Variants in DTNA observed in about 807,000 individuals in gnomAD.
The protein encoded by DTNA is dystrophin-related protein 3.
Under a neutral mutation model 100.7 loss-of-function variants are expected in DTNA, and 43 were observed. The ratio of observed to expected loss-of-function variants is 0.43; its 90% confidence interval spans 0.33 to 0.55. The LOEUF is 0.55. Among genes scored for constraint, DTNA ranks in the 20% least tolerant of loss-of-function variants. DTNA has a pLI of 0.04. For missense variants in DTNA, 798 were observed against 953.9 expected (o/e 0.84, Z 2.15); for synonymous variants, 349 against 347.9 (o/e 1.00, Z -0.04).
chr18:34,817,308 A>C (rs1364163390), intron 7 of DTNA, among the ~76,000 whole-genome samples: 1 of 152,118 alleles, frequency 6.6e-6, no homozygotes, highest in African/African-American at 2.4e-5. Context: ...GTTTTTCCTG[A>C]CTGGTTAGGC....
chr18:34,671,285 A>T (rs539158855), intron 1 of DTNA, among the ~76,000 whole-genome samples: 1 of 152,294 alleles, frequency 6.6e-6, no homozygotes, highest in Admixed American at 6.5e-5. Flanking sequence ...GGAAAAGTGC[A>T]GTATTAGGAT....
At chr18:34,513,964 G>A (rs1240132361) in intron 1 of DTNA, 2 of 152,102 alleles carry the variant, frequency 1.3e-5, no homozygotes, top group Admixed American at 1.3e-4. Flanking sequence ...TGCAGGTAAC[G>A]ACTCTGACAA....
At position 34,829,464 on chromosome 18, in the gene DTNA, G is replaced by A. The variant is rs2095947338; in HGVS notation, c.1150G>A (p.Val384Ile). ...AEEHSLIKLY[V>I]NQLDHGARSP... ...AGAGCATTCCCTCATAAAGCTGTAC[G>A]TAAATCAGCTTGATCACGGTGCACG... Residue 384 changes from valine to isoleucine, a missense_variant, in exon 11 of 23, where the codon GTA becomes ATA. By Grantham distance (29) the Val-to-Ile change is conservative. This residue lies in a region of DTNA where 159 missense variants were observed against 201.2 expected (regional missense o/e 0.79). Transcript: ENST00000444659. The A allele has an allele frequency of 2.8e-5, 42 of 1,527,220 alleles. No individual in the cohort carries two copies. Among genetic ancestry groups the A allele is most frequent in the Non-Finnish European group, 3.2e-5 (36 of 1,140,580 alleles). 94.6% of individuals were successfully genotyped at this position (1,527,220 alleles called of 1,614,324 possible).
At chr18:34,653,111 C>T (rs113304239) in intron 1 of DTNA, among the ~76,000 whole-genome samples, 2 of 152,252 alleles carry the variant, frequency 1.3e-5, no homozygotes, top group African/African-American at 4.8e-5. Context: ...TATGTTTTTA[C>T]AGATTACACA....
chr18:34,740,222 T>G (rs2090374989), intron 1 of DTNA, among the ~76,000 whole-genome samples: 1 of 152,170 alleles, frequency 6.6e-6, no homozygotes, highest in Non-Finnish European at 1.5e-5. Context: ...ATTAAGCCTT[T>G]GAAGTTACTG....
intron 1 of DTNA, among the ~76,000 whole-genome samples, chr18:34,554,334 AC>A (rs1256910448): frequency 1.4e-5 from 2 of 143,120 alleles, no homozygotes; most frequent in Non-Finnish European, 3.0e-5. Context: ...GGACAATTTG[AC>A]TTCCTCTTTT....
intron 11 of DTNA, among the ~76,000 whole-genome samples, chr18:34,833,404 C>CTGTGTGTGTGTGTGTGTGTG (rs58409064): frequency 1.7e-4 from 25 of 144,998 alleles, no homozygotes; most frequent in African/African-American, 5.8e-4. Context: ...CATTGTGTCA[C>CTGTGTGTGTGTGTGTGTGTG]TGTGTGTGTG....
At chr18:34,602,580 C>T (rs1208400389) in intron 1 of DTNA, among the ~76,000 whole-genome samples, 2 of 151,974 alleles carry the variant, frequency 1.3e-5, no homozygotes, top group Non-Finnish European at 2.9e-5. Flanking sequence ...ATTCTGGTTG[C>T]AAGAACCTCT....
At chr18:34,531,502 T>G (rs1274844878) in intron 1 of DTNA, among the ~76,000 whole-genome samples, 1 of 152,190 alleles carries the variant, frequency 6.6e-6, no homozygotes, top group Non-Finnish European at 1.5e-5. Context: ...TTGTCTTGCA[T>G]TTGCTCATCC....
chr18:34,688,739 TCTAA>T (rs528959539), intron 1 of DTNA, among the ~76,000 whole-genome samples: 21 of 152,316 alleles, frequency 1.4e-4, no homozygotes, highest in Middle Eastern at 6.8e-3. Context: ...AAGTGTGTTT[TCTAA>T]CTTAGTTCCA....
Position 34,800,068 on chromosome 18 carries a change from C to T in DTNA, c.362+5818C>T, listed in dbSNP as rs552874383. Among the ~76,000 whole-genome samples the T allele has an allele frequency of 3.3e-5, 5 of 152,310 alleles. No homozygotes were observed. The East Asian group carries it at 9.6e-4, about 29-fold the overall frequency. On this transcript the variant is annotated intron_variant, in intron 4 of 22. Transcript: ENST00000444659. ...CCTGTGAACACTTCTAAATTCAAAGCATCACATAACTGCACAATCTAAAAG... is the reference window on the plus strand; with the variant it reads ...CCTGTGAACACTTCTAAATTCAAAGTATCACATAACTGCACAATCTAAAAG...
At chr18:34,847,675 C>T (rs1456538173) in intron 13 of DTNA, among the ~76,000 whole-genome samples, 1 of 152,192 alleles carries the variant, frequency 6.6e-6, no homozygotes, top group Non-Finnish European at 1.5e-5. Context: ...TATGACCTGA[C>T]AGCTATTTTC....
chr18:34,531,290 C>T (rs529666340), intron 1 of DTNA, among the ~76,000 whole-genome samples: 40 of 152,210 alleles, frequency 2.6e-4, no homozygotes, highest in African/African-American at 8.9e-4. Flanking sequence ...GATGTGGTTT[C>T]GAATCTCTCT....
intron 16 of DTNA, among the ~76,000 whole-genome samples, chr18:34,861,360 C>T (rs1307567521): frequency 6.6e-6 from 1 of 151,804 alleles, no homozygotes; most frequent in Non-Finnish European, 1.5e-5. Flanking sequence ...GTGGCAGGCA[C>T]CTGTACTCCC....
intron 1 of DTNA, among the ~76,000 whole-genome samples, chr18:34,652,468 ACT>A (rs1316042221): frequency 6.6e-6 from 1 of 152,058 alleles, no homozygotes; most frequent in East Asian, 1.9e-4. Context: ...TATTTCCTTG[ACT>A]GGAATGTTCT....
intron 1 of DTNA, among the ~76,000 whole-genome samples, chr18:34,498,055 T>TTTTG (rs1368972837): frequency 9.9e-5 from 15 of 152,076 alleles, no homozygotes; most frequent in African/African-American, 3.1e-4. Flanking sequence ...CCAAGGTGGA[T>TTTTG]GGATCACCTG....
chr18:34,574,060 A>C (rs2047866416), intron 1 of DTNA: 1 of 153,192 alleles, frequency 6.5e-6, no homozygotes. Context: ...TAGAGCAGCG[A>C]CACCAGGAAG....
intron 1 of DTNA, among the ~76,000 whole-genome samples, chr18:34,669,541 T>G (rs2076445289): frequency 6.6e-6 from 1 of 152,174 alleles, no homozygotes; most frequent in African/African-American, 2.4e-5. Flanking sequence ...TTACAATTTG[T>G]CATGTTTTTG....
At chr18:34,724,708 C>A (rs543887076) in intron 1 of DTNA, among the ~76,000 whole-genome samples, 31 of 152,204 alleles carry the variant, frequency 2.0e-4, no homozygotes, top group Admixed American at 1.6e-3. Flanking sequence ...CAGATCTATC[C>A]CTAAACACTT....
Sources: gnomAD v4.1 joint callset for allele counts (sites outside exome capture counted in the v4.1 genomes callset) on GRCh38, gnomAD v4.1.1 for gene constraint, gnomAD v4.1.1 regional missense constraint, MANE v1.5 for transcripts, NCBI Gene and HGNC (gene_info 2026-07-23, HGNC 2026-07-21) for gene names.